ZNF577: variants seen among roughly 807,000 people sequenced by gnomAD.
ZNF577 encodes the protein zinc finger protein 577.
In ZNF577, 14 loss-of-function variants were observed where a neutral mutation model predicts 13.9. The ratio of observed to expected loss-of-function variants is 1.00; its 90% CI spans 0.66 to 1.57. ZNF577 has a LOEUF of 1.57. ZNF577 is among the 40% of genes most tolerant of loss of function. ZNF577 has a pLI of 0.00. For missense variants in ZNF577, 555 were observed against 579.2 expected, an observed-to-expected ratio of 0.96 and a Z score of 0.43; for synonymous variants, 203 against 202.9, an observed-to-expected ratio of 1.00 and a Z score of 0.00.
At chr19:51,885,430 TC>T (rs1032260309) in intron 1 of ZNF577, among the ~76,000 whole-genome samples, 21 of 152,298 alleles carry the variant, frequency 1.4e-4, no homozygotes, top group African/African-American at 5.1e-4. Flanking sequence ...GTTAAGAATT[TC>T]CCATTATGAT....
chr19:51,808,203 G>T (rs185399030), intron 10 of ZNF577, among the ~76,000 whole-genome samples: 1 of 152,258 alleles, frequency 6.6e-6, no homozygotes, highest in Non-Finnish European at 1.5e-5. Context: ...ACCTAACATC[G>T]GTCATGGCCA....
chr19:51,827,581 C>T (rs1474230117), intron 9 of ZNF577, among the ~76,000 whole-genome samples: 9 of 152,238 alleles, frequency 5.9e-5, no homozygotes, highest in Admixed American at 2.0e-4. Flanking sequence ...TTATCTCCAG[C>T]CCTCATAATA....
intron 9 of ZNF577, among the ~76,000 whole-genome samples, chr19:51,833,133 T>C (rs544993743): frequency 6.6e-5 from 10 of 152,354 alleles, no homozygotes; most frequent in African/African-American, 2.4e-4. Context: ...TCAGTACTAA[T>C]CTTTCAACTC....
intron 9 of ZNF577, among the ~76,000 whole-genome samples, chr19:51,828,062 G>T (rs1361890235): frequency 2.0e-5 from 3 of 152,128 alleles, no homozygotes; most frequent in African/African-American, 7.2e-5. Flanking sequence ...CAGCCAAGGT[G>T]TAGCCATAGA....
chr19:51,816,791 G>A (rs980625129), intron 9 of ZNF577, among the ~76,000 whole-genome samples: 2 of 152,188 alleles, frequency 1.3e-5, no homozygotes, highest in South Asian at 2.1e-4. Flanking sequence ...GACAGCATCA[G>A]AACTGAATTT....
intron 5 of ZNF577, among the ~76,000 whole-genome samples, chr19:51,850,760 AGT>A (rs968105129): frequency 9.2e-5 from 14 of 152,370 alleles, no homozygotes; most frequent in African/African-American, 3.4e-4. Context: ...TGGTGTCAGA[AGT>A]GAAGATGGTC....
At chr19:51,881,347 A>G (rs10402107) in intron 1 of ZNF577, among the ~76,000 whole-genome samples, 33,661 of 152,054 alleles carry the variant, frequency 0.22, 4,565 homozygotes, top group South Asian at 0.41. Flanking sequence ...TGGTGGCTCA[A>G]GAAACTGACT....
intron 5 of ZNF577, among the ~76,000 whole-genome samples, chr19:51,859,498 C>A (rs1299134621): frequency 6.6e-6 from 1 of 152,106 alleles, no homozygotes; most frequent in East Asian, 1.9e-4. Context: ...ATAAACTCAC[C>A]TCATATAACC....
At chr19:51,886,252 A>T (rs550045084) in intron 1 of ZNF577, 48 of 152,234 alleles carry the variant, frequency 3.2e-4, no homozygotes, top group South Asian at 8.3e-4. Flanking sequence ...AGGCAAAAAA[A>T]TTTTTTAACT....
chr19:51,884,050 GGT>G (rs140049807), intron 1 of ZNF577, among the ~76,000 whole-genome samples: 1 of 152,206 alleles, frequency 6.6e-6, no homozygotes, highest in East Asian at 1.9e-4. Context: ...GTCCGGCCTC[GGT>G]GACAGAGTGA....
chr19:51,873,036 C>G lies in ZNF577; in HGVS notation c.954G>C (p.Arg318Ser). The change falls in exon 6 of 6, where the codon AGG (arginine) becomes AGC (serine). Residue 318 changes from arginine (R) to serine (S), a missense_variant. Coordinates refer to ENST00000638348, the MANE Select transcript of ZNF577 (RefSeq NM_001370449.1). ...CATAAGGTTTCTCTCCCGTATGAAT[C>G]CTCTGATGTCTGGTCAGGTCTGACT... Reference protein sequence around the residue: ...YFKSDLTRHQRIHTGEKPYEC... With the variant: ...YFKSDLTRHQSIHTGEKPYEC... The G allele has an allele frequency of 1.2e-6, 2 of 1,614,158 alleles. No homozygotes were observed. Among genetic ancestry groups the G allele is most frequent in the South Asian group, 1.1e-5 (1 of 91,080 alleles).
intron 9 of ZNF577, among the ~76,000 whole-genome samples, chr19:51,816,100 G>T (rs1481177414): frequency 6.6e-6 from 1 of 150,786 alleles, no homozygotes; most frequent in East Asian, 1.9e-4. Context: ...AATGAGATTA[G>T]ATGAGCTTCT....
At chr19:51,822,032 T>C (rs1422701951) in intron 9 of ZNF577, among the ~76,000 whole-genome samples, 1 of 152,136 alleles carries the variant, frequency 6.6e-6, no homozygotes, top group Non-Finnish European at 1.5e-5. Context: ...ACAAATACCT[T>C]GGATGTTTCT....
At position 51,833,637 on chromosome 19, in the gene ZNF577, T is replaced by C. The variant is rs567414648; in HGVS notation, c.*599+6256A>G. ...AATAAATTTTAGACTTGGCACTTAA[T>C]CTACTGAGAGGACAATGCCTCTGAT... On this transcript the variant is annotated intron_variant and NMD_transcript_variant, in intron 9 of 10. Transcript: ENST00000638827. Among the ~76,000 whole-genome samples the C allele has an allele frequency of 3.3e-5, 5 of 152,256 alleles. No individual in the cohort carries two copies. In the South Asian group the frequency reaches 8.3e-4, roughly 25 times the overall value.
chr19:51,865,137 C>A (rs996819337), downstream of ZNF577, among the ~76,000 whole-genome samples: 3 of 152,162 alleles, frequency 2.0e-5, no homozygotes, highest in African/African-American at 7.2e-5. Context: ...GCTCTTGTCA[C>A]CCAGGCTGGA....
intron 9 of ZNF577, among the ~76,000 whole-genome samples, chr19:51,819,236 T>G (rs2084169719): frequency 6.6e-6 from 1 of 152,202 alleles, no homozygotes; most frequent in South Asian, 2.1e-4. Context: ...TTGGAGTGTC[T>G]ATGGGACTGC....
At chr19:51,823,658 G>C in intron 9 of ZNF577, 1 of 1,072,210 alleles carries the variant, frequency 9.3e-7, no homozygotes, top group Non-Finnish European at 1.3e-6. Flanking sequence ...GTAGGAGGAG[G>C]AGCTACAGTG....
In ZNF577 at chr19:51,871,629, T is replaced by G. The variant is rs1347844661; in HGVS notation, c.*903A>C. ...AGAATAAAATCTTAACATACTTGCC[T>G]CATAATAAGATAGGGAGATTATCCT... On this transcript the variant is annotated 3_prime_UTR_variant, in exon 6 of 6. Transcript: ENST00000638348. The G allele has an allele frequency of 6.6e-6, 1 of 152,198 alleles. No homozygotes were observed. The highest frequency in any genetic ancestry group is 1.5e-5 in the Non-Finnish European group (1 of 68,042). The allele number at this position is 152,198 out of a possible 1,614,324, so 9.4% of individuals were successfully genotyped here. A position where few individuals can be genotyped will look rare whatever the true frequency, so the allele number is the denominator to read the frequency against.
At position 51,872,735 on chromosome 19, in the gene ZNF577, A is replaced by C; in HGVS notation, c.1255T>G (p.Ser419Ala). Residue 419 changes from serine to alanine, a missense_variant, in exon 6 of 6, where the codon TCC becomes GCC. Ser to Ala is a moderately conservative substitution (Grantham distance 99). Coordinates refer to ENST00000638348, the MANE Select transcript of ZNF577 (RefSeq NM_001370449.1). ...TVNTVPIEMP[S>A]SGTPPLLNKS... ...TTTAACAATGGCGGGGTTCCTGAGGAAGGCATTTCTATAGGTACTGTGTTC... is the reference window on the plus strand; with the variant it reads ...TTTAACAATGGCGGGGTTCCTGAGGCAGGCATTTCTATAGGTACTGTGTTC... 2 of 1,614,182 alleles carry C rather than the reference A, an allele frequency of 1.2e-6. No individual in the cohort carries two copies. Among genetic ancestry groups the C allele is most frequent in the Non-Finnish European group, 8.5e-7 (1 of 1,180,036 alleles).
Sources: gnomAD v4.1 joint callset for allele counts (sites outside exome capture counted in the v4.1 genomes callset) on GRCh38, gnomAD v4.1.1 for gene constraint, MANE v1.5 for transcripts, NCBI Gene and HGNC (gene_info 2026-07-23, HGNC 2026-07-21) for gene names.